The following RAD54L2 variants were observed in gnomAD, a reference collection of about 807,000 sequenced individuals.
The protein encoded by RAD54L2 is helicase ARIP4.
Under a neutral mutation model 138.4 loss-of-function variants are expected in RAD54L2, and 27 were observed. That is an observed-to-expected ratio of 0.20 (90% CI 0.14 to 0.27). The LOEUF is 0.27. Among genes scored for constraint, RAD54L2 ranks in the 10% least tolerant of loss-of-function variants. RAD54L2 has a pLI of 1.00. For missense variants in RAD54L2, 1,396 were observed against 1,890.2 expected (o/e 0.74, Z 4.85); for synonymous variants, 644 against 723.2 (o/e 0.89, Z 1.76).
At chr3:51,659,836 A>G (rs752571460) in intron 21 of RAD54L2, among the ~76,000 whole-genome samples, 190 bp from the exon 22 acceptor site, 1 of 152,208 alleles carries the variant, frequency 6.6e-6, no homozygotes, top group East Asian at 1.9e-4. Flanking sequence ...CATGTAATCA[A>G]TGCTTGTGAA....
At chr3:51,635,457 A>G in intron 9 of RAD54L2, 136 bp from the exon 10 acceptor site, 1 of 981,676 alleles carries the variant, frequency 1.0e-6, no homozygotes, top group Non-Finnish European at 1.4e-6. Flanking sequence ...GCCACATGAA[A>G]TCTTTGGTAA....
chr3:51,548,479 CG>C (rs1698755820), intron 2 of RAD54L2, among the ~76,000 whole-genome samples: 1 of 152,166 alleles, frequency 6.6e-6, no homozygotes, highest in Admixed American at 6.5e-5. Flanking sequence ...TGAGCCACCA[CG>C]CCCAGCCAAC....
intron 3 of RAD54L2, among the ~76,000 whole-genome samples, chr3:51,601,422 C>T (rs1349620110): frequency 2.6e-5 from 4 of 151,672 alleles, no homozygotes; most frequent in African/African-American, 9.7e-5. Context: ...ATTCTCCTGC[C>T]TCAGCCTTCT....
intron 2 of RAD54L2, among the ~76,000 whole-genome samples, chr3:51,587,758 GT>G (rs1699740645): frequency 6.6e-6 from 1 of 151,978 alleles, no homozygotes; most frequent in South Asian, 2.1e-4. Context: ...TAGATGTTAT[GT>G]TTCAAATTAT....
In RAD54L2 at chr3:51,663,077, G is replaced by A. The variant is rs1701825407; in HGVS notation, c.4061G>A (p.Ser1354Asn). ...TDPLVPAGPVSSSSTATSVTA... is the reference protein window; with the variant it reads ...TDPLVPAGPVNSSSTATSVTA... ...CCTCTGGTGCCAGCAGGCCCCGTCA[G>A]TTCCTCTTCCACGGCTACCTCAGTC... The change falls in exon 23 of 23, where the codon AGT becomes AAT. Residue 1354 changes from serine (S) to asparagine (N), a missense_variant. Ser to Asn is a conservative substitution (Grantham distance 46). This residue lies in a region of RAD54L2 where 634 missense variants were observed against 711.2 expected (regional missense o/e 0.89). Coordinates refer to ENST00000684192, the MANE Select transcript of RAD54L2 (RefSeq NM_015106.4). 6.2e-7 allele frequency: 1 copy of A among 1,613,916 alleles called. No individual in the cohort carries two copies. Among genetic ancestry groups the A allele is most frequent in the East Asian group, 2.2e-5 (1 of 44,874 alleles).
At chr3:51,583,406 T>TA (rs1699648646) in intron 2 of RAD54L2, among the ~76,000 whole-genome samples, 1 of 151,934 alleles carries the variant, frequency 6.6e-6, no homozygotes, top group African/African-American at 2.4e-5. Context: ...AAAACTCTGA[T>TA]AAGTGGTAGC....
intron 21 of RAD54L2, among the ~76,000 whole-genome samples, chr3:51,658,537 G>GT (rs1300994752): frequency 1.3e-5 from 2 of 152,124 alleles, no homozygotes; most frequent in Middle Eastern, 3.2e-3. Context: ...ATCTAAGCCT[G>GT]TTTTTTTCCC....
At chr3:51,617,753 G>A (rs1393676531) in intron 3 of RAD54L2, among the ~76,000 whole-genome samples, 1 of 152,122 alleles carries the variant, frequency 6.6e-6, no homozygotes, top group East Asian at 1.9e-4. Context: ...GTGCTTGCCT[G>A]TAGTCCCAGC....
At position 51,538,843 on chromosome 3, in the gene RAD54L2, A is replaced by G. The variant is rs1553670651; in HGVS notation, c.-189A>G. On this transcript the variant is annotated 5_prime_UTR_variant, in exon 1 of 23. Transcript: ENST00000684192. ...GCCTCCGCCGCCGCAGACTTTGCCT[A>G]GGCGGGCGAAGCTGAACGTGAGGTC... Among the ~76,000 whole-genome samples the G allele has an allele frequency of 6.6e-6, 1 of 151,728 alleles. No individual in the cohort carries two copies. The highest frequency in any genetic ancestry group is 1.5e-5 in the Non-Finnish European group (1 of 67,906).
chr3:51,617,169 C>T (rs1361221552), intron 3 of RAD54L2, among the ~76,000 whole-genome samples: 4 of 152,060 alleles, frequency 2.6e-5, no homozygotes, highest in South Asian at 2.1e-4. Context: ...CTGCTCTGAA[C>T]GTTCATCTAG....
At chr3:51,604,741 G>C (rs1700142960) in intron 3 of RAD54L2, among the ~76,000 whole-genome samples, 1 of 152,124 alleles carries the variant, frequency 6.6e-6, no homozygotes, top group Non-Finnish European at 1.5e-5. Context: ...GGAGTGACTG[G>C]AGTAGTTGTT....
In RAD54L2 at chr3:51,637,935, A is replaced by G. The variant is rs1701027276; in HGVS notation, c.1683-209A>G. 6.6e-6 allele frequency among the ~76,000 whole-genome samples: 1 copy of G among 152,232 alleles called. No individual in the cohort carries two copies. The highest frequency in any genetic ancestry group is 1.5e-5 in the Non-Finnish European group (1 of 68,048). ...CATGCAGTCAGACTTGACCTGGGACAGGTCACTCTGCCTCTTAGTGTTAGT... is the reference window on the plus strand; with the variant it reads ...CATGCAGTCAGACTTGACCTGGGACGGGTCACTCTGCCTCTTAGTGTTAGT... On this transcript the variant is annotated intron_variant, in intron 11 of 22. Transcript: ENST00000684192. The surrounding 1 kb of genome is among the most constrained non-coding windows in gnomAD (Gnocchi z 5.9).
rs140645811 is a variant in RAD54L2 at position 51,566,542 on chromosome 3, C to T, written c.-54-23825C>T. ...TCACCCAGGATGGAGTGTAGTGGTG[C>T]CATCACAGCTCACTGCAGCCTCGAA... On this transcript the variant is annotated intron_variant, in intron 2 of 22. Transcript: ENST00000684192. Among the ~76,000 whole-genome samples, 620 of 134,490 alleles carry T rather than the reference C, an allele frequency of 4.6e-3. 1 individual carries two copies. The highest frequency in any genetic ancestry group is 6.6e-3 in the Non-Finnish European group (438 of 66,182). 88.2% of individuals were successfully genotyped at this position (134,490 alleles called of 152,430 possible).
rs998384959 is a variant in RAD54L2, at chr3:51,652,003, A to G, written c.3027-3968A>G. 1.1e-4 allele frequency among the ~76,000 whole-genome samples: 16 copies of G among 152,258 alleles called. No individual in the cohort carries two copies. In the South Asian group the frequency reaches 2.3e-3, roughly 22 times the overall value. ...GAAAAGAGGAAGTCAAATTGTCCCT[A>G]TTTGCAGATGACATGATTGTATATT... On this transcript the variant is annotated intron_variant, in intron 19 of 22. Coordinates refer to ENST00000684192, the MANE Select transcript of RAD54L2 (RefSeq NM_015106.4).
intron 3 of RAD54L2, among the ~76,000 whole-genome samples, chr3:51,601,844 TG>T (rs1223108862): frequency 6.6e-6 from 1 of 150,564 alleles, no homozygotes; most frequent in African/African-American, 2.5e-5. Flanking sequence ...CCATTTCATG[TG>T]TTTTTTTGTT....
intron 2 of RAD54L2, among the ~76,000 whole-genome samples, chr3:51,586,487 C>T (rs1017873295): frequency 2.6e-5 from 4 of 151,042 alleles, no homozygotes; most frequent in African/African-American, 9.7e-5. Flanking sequence ...TCTAGAATGA[C>T]AGGCATTCAG....
chr3:51,627,702 G>T lies in RAD54L2; in HGVS notation c.289G>T (p.Asp97Tyr). The T allele has an allele frequency of 1.2e-6, 2 of 1,613,718 alleles. No individual in the cohort carries two copies. Among genetic ancestry groups the T allele is most frequent in the Non-Finnish European group, 8.5e-7 (1 of 1,179,812 alleles). Reference sequence around the variant, plus strand: ...CCAAGGCAAGAACCTAGCCTCCGAGGACCCCAAAAAGAAGAGAGCTCAGAA... The same window carrying T: ...CCAAGGCAAGAACCTAGCCTCCGAGTACCCCAAAAAGAAGAGAGCTCAGAA... ...RHQGKNLASE[D>Y]PKKKRAQKPS... is the part of the protein sequence containing the mutation. The change falls in exon 4 of 23, where the codon GAC (aspartate) becomes TAC (tyrosine). Residue 97 changes from aspartate (D) to tyrosine (Y), a missense_variant. Physicochemically the swap from Asp to Tyr is radical, Grantham distance 160 (BLOSUM62 -3). This residue lies in a region of RAD54L2 where 256 missense variants were observed against 344.6 expected (regional missense o/e 0.74). Coordinates refer to ENST00000684192, the MANE Select transcript of RAD54L2 (RefSeq NM_015106.4).
At chr3:51,624,999 A>G (rs781174933) in intron 3 of RAD54L2, among the ~76,000 whole-genome samples, 15 of 152,184 alleles carry the variant, frequency 9.9e-5, no homozygotes, top group Non-Finnish European at 1.5e-5. Flanking sequence ...CCTAGGGAAC[A>G]TCAGCTTACA....
At chr3:51,550,531 G>A (rs1698808830) in intron 2 of RAD54L2, among the ~76,000 whole-genome samples, 1 of 152,154 alleles carries the variant, frequency 6.6e-6, no homozygotes, top group Non-Finnish European at 1.5e-5. Flanking sequence ...GGGAGGCCAA[G>A]GTAGGTGGAT....
Sources: allele counts gnomAD v4.1 joint callset (sites outside exome capture counted in the v4.1 genomes callset), GRCh38; gene constraint gnomAD v4.1.1; regional missense constraint gnomAD v4.1.1; non-coding constraint Gnocchi (gnomAD v3.1); transcripts MANE v1.5; gene names NCBI Gene and HGNC (gene_info 2026-07-23, HGNC 2026-07-21).